LIMK2: variants seen among roughly 807,000 people sequenced by gnomAD.
The protein encoded by LIMK2 is LIM domain kinase 2.
Under a neutral mutation model 75.7 loss-of-function variants are expected in LIMK2, and 35 were observed. The observed-to-expected ratio is 0.46, with a 90% CI of 0.35 to 0.61. LIMK2 has a LOEUF of 0.61. LIMK2 is among the 20% of genes least tolerant of loss of function. The pLI is 0.00. For synonymous variants in LIMK2, 301 were observed against 319.2 expected (o/e 0.94, Z 0.61); for missense variants, 623 against 831.0 (o/e 0.75, Z 3.08).
chr22:31,261,379 C>T (rs567930586), intron 5 of LIMK2, among the ~76,000 whole-genome samples: 1 of 152,280 alleles, frequency 6.6e-6, no homozygotes, highest in East Asian at 1.9e-4. Flanking sequence ...AACCCCGTCT[C>T]TACTAAAAGT....
At chr22:31,268,559 GT>G (rs1367187902) in intron 11 of LIMK2, among the ~76,000 whole-genome samples, 4 of 152,206 alleles carry the variant, frequency 2.6e-5, no homozygotes, top group African/African-American at 9.7e-5. Context: ...GGGGAAATGA[GT>G]TCTAGCGGAG....
intron 3 of LIMK2, chr22:31,258,804 C>T: frequency 2.4e-6 from 1 of 412,792 alleles, no homozygotes; most frequent in Non-Finnish European, 4.5e-6. Context: ...CCTATACCTG[C>T]TCTGGACAAA....
chr22:31,259,974 G>T lies in LIMK2; in HGVS notation c.448G>T (p.Val150Phe). 1 of 1,611,862 alleles carries T rather than the reference G, an allele frequency of 6.2e-7. No homozygotes were observed. Residue 150 changes from valine to phenylalanine, a missense_variant, in exon 5 of 16, where the codon GTC becomes TTC. Val to Phe is a conservative substitution (Grantham distance 50, BLOSUM62 -1). This residue lies in a region of LIMK2 where 514 missense variants were observed against 661.3 expected (regional missense o/e 0.78). Transcript: ENST00000331728. ...ESVQEQLPYS[V>F]TLISMPATTE... ...TGTTCAGGAGCAGCTGCCCTACTCT[G>T]TCACGCTCATCTCCATGCCGGCCAC...
At chr22:31,246,827 A>G (rs1568990966) in intron 2 of LIMK2, among the ~76,000 whole-genome samples, 1 of 152,108 alleles carries the variant, frequency 6.6e-6, no homozygotes, top group Non-Finnish European at 1.5e-5. Flanking sequence ...GAATAGTGAC[A>G]TAACCCCTCA....
At chr22:31,263,513 C>T (rs1277502636) in intron 7 of LIMK2, among the ~76,000 whole-genome samples, 1 of 152,138 alleles carries the variant, frequency 6.6e-6, no homozygotes, top group Non-Finnish European at 1.5e-5. Context: ...GGACAGTGTT[C>T]AGTAAACGTG....
At position 31,272,600 on chromosome 22, in the gene LIMK2, T is replaced by A; in HGVS notation, c.1454T>A (p.Met485Lys). The A allele has an allele frequency of 1.2e-6, 2 of 1,613,004 alleles. No homozygotes were observed. Among genetic ancestry groups the A allele is most frequent in the Non-Finnish European group, 1.7e-6 (2 of 1,179,658 alleles). ...LIVEERKRAP[M>K]EKATTKKRTL... ...GTGGAAGAGAGGAAAAGGGCCCCCA[T>A]GGAGAAGGCCACCACCAAGAAACGC... Residue 485 changes from methionine to lysine, a missense_variant, in exon 13 of 16, where the codon ATG becomes AAG. Around this residue, in one of 3 missense-constraint regions of LIMK2, gnomAD observed 514 missense variants for 661.3 expected, o/e 0.78. Transcript: ENST00000331728.
intron 2 of LIMK2, among the ~76,000 whole-genome samples, chr22:31,246,090 T>C (rs1005519673): frequency 5.3e-5 from 8 of 151,338 alleles, no homozygotes; most frequent in African/African-American, 1.9e-4. Context: ...AGAGAATTGC[T>C]TGAACCTGGG....
chr22:31,269,065 T>TG (rs145490583), intron 11 of LIMK2, among the ~76,000 whole-genome samples: 9,946 of 147,062 alleles, frequency 0.068, 405 homozygotes, highest in Non-Finnish European at 0.087. Flanking sequence ...TTTTTTTGTT[T>TG]TTTTTTCCTG....
chr22:31,260,058 A>G lies in LIMK2; in HGVS notation c.532A>G (p.Thr178Ala). 6.3e-7 allele frequency: 1 copy of G among 1,587,772 alleles called. No individual in the cohort carries two copies. The highest frequency in any genetic ancestry group is 8.5e-7 in the Non-Finnish European group (1 of 1,170,364). The change falls in exon 5 of 16, where the codon ACC becomes GCC. Residue 178 changes from threonine (T) to alanine (A), a missense_variant. Thr to Ala is a moderately conservative substitution (Grantham distance 58). Around this residue, in one of 3 missense-constraint regions of LIMK2, gnomAD observed 514 missense variants for 661.3 expected, o/e 0.78. Coordinates refer to ENST00000331728, the MANE Select transcript of LIMK2 (RefSeq NM_005569.4). ...GGAGAGTGCCTGCTCCAACTACGCC[A>G]CCACTGTGCAAGTGAAAGAGTAAGT... ...SVESACSNYA[T>A]TVQVKEVNRM...
chr22:31,238,130 AAACC>A (rs1043993531), intron 2 of LIMK2, among the ~76,000 whole-genome samples: 28 of 151,686 alleles, frequency 1.8e-4, no homozygotes, highest in Middle Eastern at 3.4e-3. Flanking sequence ...AAAAAAAAAA[AAACC>A]AAAACCAATA....
intron 2 of LIMK2, among the ~76,000 whole-genome samples, chr22:31,247,923 A>G (rs1296118817): frequency 1.3e-5 from 2 of 152,112 alleles, no homozygotes; most frequent in Admixed American, 6.5e-5. Context: ...GGAGGGAATG[A>G]ATGGGAGCCC....
At chr22:31,234,455 G>T (rs957341881) in intron 2 of LIMK2, among the ~76,000 whole-genome samples, 4 of 150,508 alleles carry the variant, frequency 2.7e-5, no homozygotes, top group Non-Finnish European at 4.4e-5. Context: ...AGGCGCGGTG[G>T]CTCACACCTA....
chr22:31,250,579 C>T (rs1351456437), intron 2 of LIMK2, among the ~76,000 whole-genome samples: 1 of 152,156 alleles, frequency 6.6e-6, no homozygotes, highest in Non-Finnish European at 1.5e-5. Flanking sequence ...AGACATTCTT[C>T]CCTTCCCCAA....
At chr22:31,272,864 C>G in intron 13 of LIMK2, 160 bp downstream of exon 13, 1 of 1,405,764 alleles carries the variant, frequency 7.1e-7, no homozygotes, top group Non-Finnish European at 9.3e-7. Context: ...CACGATTTAG[C>G]TCCTGAGCTC....
intron 12 of LIMK2, among the ~76,000 whole-genome samples, chr22:31,271,745 C>T (rs2048959513): frequency 1.3e-5 from 2 of 152,214 alleles, no homozygotes; most frequent in Non-Finnish European, 1.5e-5. Flanking sequence ...ATCTTCATTC[C>T]TTTCCCACAT....
At chr22:31,227,281 G>A (rs1207924206) in intron 2 of LIMK2, among the ~76,000 whole-genome samples, 1 of 152,260 alleles carries the variant, frequency 6.6e-6, no homozygotes, top group Non-Finnish European at 1.5e-5. Flanking sequence ...GAATGAGATA[G>A]ACTAGGCAGG....
rs577630554 is a variant in LIMK2, at chr22:31,274,236, G to A, written c.1614+729G>A. 1.6e-4 allele frequency among the ~76,000 whole-genome samples: 24 copies of A among 152,224 alleles called. No individual in the cohort carries two copies. In the South Asian group the frequency reaches 4.8e-3, roughly 30 times the overall value. ...GTGCCAGGTACCACGTGGACAGAGT[G>A]AGGAATCTTGGAAAGATTCCTACCT... On this transcript the variant is annotated intron_variant, in intron 14 of 15. Transcript: ENST00000331728.
At chr22:31,247,494 T>TGAACACTCAGTGAATAGTGA (rs1568991220) in intron 2 of LIMK2, among the ~76,000 whole-genome samples, 1 of 152,150 alleles carries the variant, frequency 6.6e-6, no homozygotes, top group East Asian at 1.9e-4. Context: ...GTGTTCTGCA[T>TGAACACTCAGTGAATAGTGA]GTGAACACTC....
chr22:31,225,938 A>G, intron 2 of LIMK2, 119 bp downstream of exon 2: 1 of 783,532 alleles, frequency 1.3e-6, no homozygotes, highest in Non-Finnish European at 2.1e-6. Context: ...TAGGGTGGGG[A>G]AAGGAATGTA....
Sources: allele counts gnomAD v4.1 joint callset (sites outside exome capture counted in the v4.1 genomes callset), GRCh38; gene constraint gnomAD v4.1.1; regional missense constraint gnomAD v4.1.1; transcripts MANE v1.5; gene names NCBI Gene and HGNC (gene_info 2026-07-23, HGNC 2026-07-21).